Variants in KCNH8 observed in about 807,000 individuals in gnomAD.
KCNH8 encodes the protein voltage-gated delayed rectifier potassium channel KCNH8.
Under a neutral mutation model 103.6 loss-of-function variants are expected in KCNH8, and 70 were observed. That is an observed-to-expected ratio of 0.68 (90% CI 0.56 to 0.82). The LOEUF (loss-of-function observed/expected upper bound fraction) is 0.82, where lower values mean the gene tolerates loss of function less well. Among genes scored for constraint, KCNH8 ranks in the 40% least tolerant of loss-of-function variants. The pLI, the probability that KCNH8 is intolerant of heterozygous loss-of-function variation, is 0.00. For synonymous variants in KCNH8, 498 were observed against 489.4 expected (o/e 1.02, Z -0.23); for missense variants, 1,217 against 1,329.9 (o/e 0.92, Z 1.32).
At position 19,347,476 on chromosome 3, in the gene KCNH8, A is replaced by G. The variant is rs188012412; in HGVS notation, c.571-249A>G. ...AGGTAATGGTCTTTTTTATTTTTTA[A>G]TGAACAAAATCTGGGTTACTCACTT... On this transcript the variant is annotated intron_variant, in intron 4 of 15. Coordinates refer to ENST00000328405, the MANE Select transcript of KCNH8 (RefSeq NM_144633.3). Among the ~76,000 whole-genome samples, 411 of 152,166 alleles carry G rather than the reference A, an allele frequency of 2.7e-3. 6 individuals carry two copies. The highest frequency in any genetic ancestry group is 9.3e-3 in the African/African-American group (387 of 41,558).
chr3:19,169,310 G>C (rs1381486047), intron 1 of KCNH8, among the ~76,000 whole-genome samples: 1 of 147,042 alleles, frequency 6.8e-6, no homozygotes, highest in Non-Finnish European at 1.5e-5. Context: ...CCAGGCTGGA[G>C]TGCAGTGGCG....
At chr3:19,194,598 G>A (rs2063583249) in intron 1 of KCNH8, among the ~76,000 whole-genome samples, 1 of 151,708 alleles carries the variant, frequency 6.6e-6, no homozygotes, top group Non-Finnish European at 1.5e-5. Context: ...AATCTTATGG[G>A]TTAGAAACAG....
At chr3:19,251,553 AAAC>A (rs2064278080) in intron 1 of KCNH8, among the ~76,000 whole-genome samples, 1 of 152,112 alleles carries the variant, frequency 6.6e-6, no homozygotes, top group African/African-American at 2.4e-5. Flanking sequence ...GTTTGGAAAC[AAAC>A]AACAAAAGCT....
At chr3:19,279,711 A>G (rs1030586745) in intron 2 of KCNH8, among the ~76,000 whole-genome samples, 2 of 152,166 alleles carry the variant, frequency 1.3e-5, no homozygotes, top group African/African-American at 2.4e-5. Flanking sequence ...AAACAAATAC[A>G]GCAGCAGCTA....
intron 15 of KCNH8, among the ~76,000 whole-genome samples, chr3:19,520,769 A>G (rs2068958042): frequency 6.6e-6 from 1 of 152,004 alleles, no homozygotes; most frequent in African/African-American, 2.4e-5. Flanking sequence ...GATACATGCC[A>G]CACAGACTGT....
intron 11 of KCNH8, among the ~76,000 whole-genome samples, chr3:19,467,565 T>G (rs534898939): frequency 6.6e-6 from 1 of 152,284 alleles, no homozygotes; most frequent in Non-Finnish European, 1.5e-5. Context: ...TTGCCTTCAG[T>G]AGCCCATGGG....
At chr3:19,164,350 AAAAGAG>A (rs1367950233) in intron 1 of KCNH8, among the ~76,000 whole-genome samples, 2 of 152,208 alleles carry the variant, frequency 1.3e-5, no homozygotes, top group African/African-American at 4.8e-5. Context: ...TTTTAGTTTG[AAAAGAG>A]GAAAAGGGAA....
chr3:19,321,600 T>C (rs1559475569), intron 3 of KCNH8, among the ~76,000 whole-genome samples: 1 of 151,944 alleles, frequency 6.6e-6, no homozygotes, highest in Non-Finnish European at 1.5e-5. Flanking sequence ...TGACCTATCA[T>C]ATGGTCTATC....
At position 19,460,276 on chromosome 3, in the gene KCNH8, C is replaced by A. The variant is rs201748230; in HGVS notation, c.2040+3294C>A. On this transcript the variant is annotated intron_variant, in intron 11 of 15. Transcript: ENST00000328405. ...AAACCATAGTATGTTTACCAAGGCT[C>A]TTCCTATTTAGCAGAGCCTGAGCTC... Among the ~76,000 whole-genome samples the A allele has an allele frequency of 4.6e-5, 7 of 152,186 alleles. No homozygotes were observed. In the East Asian group the frequency reaches 1.2e-3, roughly 25 times the overall value.
At chr3:19,350,175 C>G (rs2065780998) in intron 5 of KCNH8, among the ~76,000 whole-genome samples, 1 of 152,024 alleles carries the variant, frequency 6.6e-6, no homozygotes, top group Admixed American at 6.6e-5. Flanking sequence ...TTTCCCTAAA[C>G]CTTTATTCTA....
At chr3:19,202,512 C>T (rs1039224510) in intron 1 of KCNH8, among the ~76,000 whole-genome samples, 3 of 152,098 alleles carry the variant, frequency 2.0e-5, no homozygotes, top group Non-Finnish European at 4.4e-5. Flanking sequence ...ACAAAGACCT[C>T]TCAGTCCTCA....
At chr3:19,171,616 C>T (rs2063349596) in intron 1 of KCNH8, among the ~76,000 whole-genome samples, 1 of 152,176 alleles carries the variant, frequency 6.6e-6, no homozygotes, top group Admixed American at 6.5e-5. Flanking sequence ...AATGACAGCT[C>T]TGCTCCTCTG....
intron 1 of KCNH8, among the ~76,000 whole-genome samples, chr3:19,170,229 T>C (rs1473151693): frequency 6.6e-6 from 1 of 152,200 alleles, no homozygotes; most frequent in Non-Finnish European, 1.5e-5. Flanking sequence ...TTTATTGTTT[T>C]GTTTTTCACG....
At chr3:19,336,985 C>T (rs1317073652) in intron 3 of KCNH8, among the ~76,000 whole-genome samples, 3 of 152,012 alleles carry the variant, frequency 2.0e-5, no homozygotes, top group Non-Finnish European at 4.4e-5. Flanking sequence ...AAGACCCTTT[C>T]TAGCAGAGAA....
At chr3:19,358,043 C>A (rs1332831364) in intron 5 of KCNH8, among the ~76,000 whole-genome samples, 1 of 151,808 alleles carries the variant, frequency 6.6e-6, no homozygotes, top group South Asian at 2.1e-4. Flanking sequence ...AATTTACTTA[C>A]CAAGGTATAA....
intron 5 of KCNH8, among the ~76,000 whole-genome samples, chr3:19,374,915 A>G (rs2066167175): frequency 6.6e-6 from 1 of 152,054 alleles, no homozygotes; most frequent in East Asian, 1.9e-4. Flanking sequence ...CTTTTCCTTA[A>G]GAATGTTGAA....
chr3:19,188,296 TA>T (rs112014575), intron 1 of KCNH8, among the ~76,000 whole-genome samples: 19 of 152,234 alleles, frequency 1.2e-4, no homozygotes, highest in African/African-American at 4.6e-4. Flanking sequence ...AAATATATTC[TA>T]GAGCAGAGAT....
intron 7 of KCNH8, among the ~76,000 whole-genome samples, chr3:19,419,774 A>G (rs2066923591): frequency 6.6e-6 from 1 of 151,788 alleles, no homozygotes; most frequent in South Asian, 2.1e-4. Context: ...TATCCTTTAC[A>G]CCAAACTCAA....
At chr3:19,188,300 G>A (rs1449871129) in intron 1 of KCNH8, among the ~76,000 whole-genome samples, 1 of 152,098 alleles carries the variant, frequency 6.6e-6, no homozygotes, top group Non-Finnish European at 1.5e-5. Flanking sequence ...ATATTCTAGA[G>A]CAGAGATATT....
Sources: gnomAD v4.1 joint callset for allele counts (sites outside exome capture counted in the v4.1 genomes callset) on GRCh38, gnomAD v4.1.1 for gene constraint, MANE v1.5 for transcripts, NCBI Gene and HGNC (gene_info 2026-07-23, HGNC 2026-07-21) for gene names.